EVC: variants seen among roughly 807,000 people sequenced by gnomAD.
EVC encodes EvC ciliary complex subunit 1.
EVC carries 116 observed loss-of-function variants against 118.9 expected under a neutral mutation model. The observed-to-expected ratio is 0.98, with a 90% CI of 0.84 to 1.14. EVC has a LOEUF of 1.14. Ranked by LOEUF, EVC falls within the 50% of genes most tolerant of loss-of-function variation. The pLI, the probability that EVC is intolerant of heterozygous loss-of-function variation, is 0.00. For synonymous variants in EVC, 619 were observed against 534.7 expected (o/e 1.16, Z -2.18); for missense variants, 1,401 against 1,246.4 (o/e 1.12, Z -1.87).
the EVC span, chr4:5,825,959 C>T: frequency 2.3e-6 from 1 of 436,060 alleles, no homozygotes; most frequent in South Asian, 2.8e-5. The surrounding 1 kb of genome is among the most constrained non-coding windows in gnomAD (Gnocchi z 4.4). Context: ...TATATGCATG[C>T]ACATGCAGTA....
intron 8 of EVC, among the ~76,000 whole-genome samples, chr4:5,751,035 T>C (rs1730274924): frequency 6.6e-6 from 1 of 152,080 alleles, no homozygotes; most frequent in Non-Finnish European, 1.5e-5. Flanking sequence ...TCAGATTCAG[T>C]TTCTTGAGAC....
At chr4:5,766,418 T>A (rs1462922697) in intron 11 of EVC, among the ~76,000 whole-genome samples, 1 of 133,048 alleles carries the variant, frequency 7.5e-6, no homozygotes, top group Non-Finnish European at 1.6e-5. Context: ...CTTGGTGGCG[T>A]TCTCTGTATT....
chr4:5,742,010 T>G lies in EVC; in HGVS notation c.801+196T>G, dbSNP rs910311788. ...GTATTATTAAAATTTGGAATACTAT[T>G]TATAGCAAAGAGAATAATATTGGTC... On this transcript the variant is annotated intron_variant, in intron 6 of 20. Transcript: ENST00000264956. The surrounding 1 kb of genome is among the most constrained non-coding windows in gnomAD (Gnocchi z 5.2). Among the ~76,000 whole-genome samples, 2 of 152,232 alleles carry G rather than the reference T, an allele frequency of 1.3e-5. No homozygotes were observed. Among genetic ancestry groups the G allele is most frequent in the African/African-American group, 4.8e-5 (2 of 41,460 alleles).
At chr4:5,722,933 A>T (rs929883826) in intron 2 of EVC, among the ~76,000 whole-genome samples, 1 of 152,236 alleles carries the variant, frequency 6.6e-6, no homozygotes, top group Admixed American at 6.5e-5. Flanking sequence ...AACTAAAGGC[A>T]GTGGCTCCTG....
intron 16 of EVC, 49 bp from the exon 17 acceptor site, chr4:5,804,681 G>C: frequency 6.4e-7 from 1 of 1,565,384 alleles, no homozygotes; most frequent in Non-Finnish European, 8.8e-7. Context: ...ACCTGGCACA[G>C]TGGATCCTCC....
chr4:5,743,456 T>C lies in EVC; in HGVS notation c.801+1642T>C, dbSNP rs1380280088. 6.6e-6 allele frequency among the ~76,000 whole-genome samples: 1 copy of C among 152,176 alleles called. No homozygotes were observed. Among genetic ancestry groups the C allele is most frequent in the Non-Finnish European group, 1.5e-5 (1 of 68,026 alleles). ...CATTACTGCCATCGTCATCGCATCA[T>C]TGTTGTGATAGTCTTCATCAGCACC... On this transcript the variant is annotated intron_variant, in intron 6 of 20. Transcript: ENST00000264956. This position sits in a 1 kb window ranked among gnomAD's most constrained non-coding sequence, Gnocchi z 4.7.
chr4:5,782,346 A>G (rs1735726560), intron 11 of EVC, among the ~76,000 whole-genome samples: 1 of 148,022 alleles, frequency 6.8e-6, no homozygotes, highest in African/African-American at 2.5e-5. Flanking sequence ...AAGTGCTGGG[A>G]TTACAAGCGT....
At position 5,801,959 on chromosome 4, in the gene EVC, A is replaced by G. The variant is rs1264370520; in HGVS notation, c.2314A>G (p.Met772Val). 1 of 1,613,392 alleles carries G rather than the reference A, an allele frequency of 6.2e-7. No individual in the cohort carries two copies. Among genetic ancestry groups the G allele is most frequent in the Non-Finnish European group, 8.5e-7 (1 of 1,179,986 alleles). ...KDRDDFKRTLMEAAVESVYVT... is the reference protein window; with the variant it reads ...KDRDDFKRTLVEAAVESVYVT... ...TCCTTTCTTCCCTCAGAGGACACTG[A>G]TGGAGGCGGCAGTGGAGAGCGTCTA... is the stretch of plus-strand genomic sequence containing the variant. Residue 772 changes from methionine (M) to valine (V), a missense_variant, in exon 16 of 21, where the codon ATG (methionine) becomes GTG (valine). Physicochemically the swap from Met to Val is conservative, Grantham distance 21. Transcript: ENST00000264956.
chr4:5,827,477 G>A, the EVC span, among the ~76,000 whole-genome samples: 368 of 152,248 alleles, frequency 2.4e-3, 1 homozygote, highest in African/African-American at 8.5e-3. Flanking sequence ...CTCCCAGTCC[G>A]GGCTGGAGCC....
chr4:5,815,968 A>G (rs1717610728), downstream of EVC, among the ~76,000 whole-genome samples: 1 of 151,558 alleles, frequency 6.6e-6, no homozygotes, highest in Non-Finnish European at 1.5e-5. Context: ...CCTGTGGTGT[A>G]TGGATTGGAA....
In EVC at chr4:5,739,303, A is replaced by G. The variant is rs560687379; in HGVS notation, c.703-2413A>G. On this transcript the variant is annotated intron_variant, in intron 5 of 20. Transcript: ENST00000264956. ...CCATATCAGTCTTCAGTGAGTAGAA[A>G]GCCAGGACACCACTTTCTCCTTAGA... Among the ~76,000 whole-genome samples the G allele has an allele frequency of 2.6e-5, 4 of 152,320 alleles. No homozygotes were observed. The South Asian group carries it at 8.3e-4, about 32-fold the overall frequency.
In EVC at chr4:5,811,448, A is replaced by C. The variant is rs1204633782; in HGVS notation, c.*411A>C. 3.8e-6 allele frequency: 1 copy of C among 260,222 alleles called. No homozygotes were observed. Among genetic ancestry groups the C allele is most frequent in the East Asian group, 9.9e-5 (1 of 10,092 alleles). The allele number at this position is 260,222 out of a possible 1,614,324, so 16.1% of individuals were successfully genotyped here. On this transcript the variant is annotated 3_prime_UTR_variant, in exon 21 of 21. Coordinates refer to ENST00000264956, the MANE Select transcript of EVC (RefSeq NM_153717.3). ...ACAGATACATAATGACACCTGCAGA[A>C]ATGTATTCTCTGAGGACACTTAGAA...
chr4:5,807,899 T>C (rs1186853345), intron 17 of EVC, among the ~76,000 whole-genome samples: 1 of 152,216 alleles, frequency 6.6e-6, no homozygotes, highest in Non-Finnish European at 1.5e-5. Context: ...TCTCTGGGTT[T>C]CTTCCCCCCA....
chr4:5,824,334 A>G, the EVC span: 1 of 985,432 alleles, frequency 1.0e-6, no homozygotes, highest in Non-Finnish European at 1.2e-6. Context: ...AATATGAAAC[A>G]CTGGAAGCTC....
chr4:5,763,368 T>C (rs1156843679), intron 11 of EVC, among the ~76,000 whole-genome samples: 1 of 147,334 alleles, frequency 6.8e-6, no homozygotes, highest in Non-Finnish European at 1.5e-5. Context: ...GGCTTAGGAT[T>C]GACTTGGCGA....
At chr4:5,727,519 G>A (rs1448350292) in intron 2 of EVC, among the ~76,000 whole-genome samples, 3 of 152,124 alleles carry the variant, frequency 2.0e-5, no homozygotes, top group Non-Finnish European at 4.4e-5. Context: ...CCATTTTGTA[G>A]GTTGCCTGTT....
rs1439531254 is a variant in EVC at position 5,789,191 on chromosome 4, C to T, written c.1777-4417C>T. Among the ~76,000 whole-genome samples, 2 of 152,198 alleles carry T rather than the reference C, an allele frequency of 1.3e-5. No individual in the cohort carries two copies. The highest frequency in any genetic ancestry group is 4.8e-5 in the African/African-American group (2 of 41,460). Reference sequence around the variant, plus strand: ...CACTAAGTCACATCGTGTTGCTTCTCTGCAGAACCCCCAATGGCTTCTCAT... The same window carrying T: ...CACTAAGTCACATCGTGTTGCTTCTTTGCAGAACCCCCAATGGCTTCTCAT... On this transcript the variant is annotated intron_variant, in intron 12 of 20. Transcript: ENST00000264956. This position sits in a 1 kb window ranked among gnomAD's most constrained non-coding sequence, Gnocchi z 4.3.
Position 5,814,042 on chromosome 4 carries a change from C to T in EVC, c.*3005C>T, listed in dbSNP as rs1199712792. 2 of 152,254 alleles carry T rather than the reference C, an allele frequency of 1.3e-5. No homozygotes were observed. Among genetic ancestry groups the T allele is most frequent in the African/African-American group, 4.8e-5 (2 of 41,462 alleles). 9.4% of individuals were successfully genotyped at this position (152,254 alleles called of 1,614,324 possible). ...TAGCCAGTGTACCTGGGCACAGACT[C>T]GGGGCTGCCCTGAAGCTGATGAAGG... On this transcript the variant is annotated 3_prime_UTR_variant, in exon 21 of 21. Transcript: ENST00000264956.
At chr4:5,800,203 G>A (rs375298127) in intron 15 of EVC, among the ~76,000 whole-genome samples, 1 of 152,122 alleles carries the variant, frequency 6.6e-6, no homozygotes. Context: ...AAATTAGCTA[G>A]GTGTAGTGGT....
Sources: allele counts gnomAD v4.1 joint callset (sites outside exome capture counted in the v4.1 genomes callset), GRCh38; gene constraint gnomAD v4.1.1; non-coding constraint Gnocchi (gnomAD v3.1); transcripts MANE v1.5; gene names NCBI Gene and HGNC (gene_info 2026-07-23, HGNC 2026-07-21).